Variants in FLVCR2 observed in about 807,000 individuals in gnomAD.
FLVCR2 encodes choline/ethanolamine transporter FLVCR2.
Under a neutral mutation model 48.9 loss-of-function variants are expected in FLVCR2, and 38 were observed. That is an observed-to-expected ratio of 0.78 (90% CI 0.60 to 1.02). FLVCR2 has a LOEUF of 1.02. Among genes scored for constraint, FLVCR2 ranks in the 50% least tolerant of loss-of-function variants. FLVCR2 has a pLI of 0.00. For missense variants in FLVCR2, 664 were observed against 663.3 expected (o/e 1.00, Z -0.01); for synonymous variants, 255 against 257.0 (o/e 0.99, Z 0.07).
chr14:75,622,382 G>A (rs1889788932), intron 2 of FLVCR2, among the ~76,000 whole-genome samples, 162 bp downstream of exon 2: 1 of 152,226 alleles, frequency 6.6e-6, no homozygotes, highest in African/African-American at 2.4e-5. Context: ...AGCCTGGGCA[G>A]TTGTCCCCAC....
Position 75,587,360 on chromosome 14 carries a change from T to C in FLVCR2, c.669+7719T>C, listed in dbSNP as rs192134588. On this transcript the variant is annotated intron_variant, in intron 1 of 9. Transcript: ENST00000238667. ...AAAAGGCAGATTCTGAGGATTTAAT[T>C]TTTCCCCCCGTCTCCAGGGTTATTG... is the stretch of plus-strand genomic sequence containing the variant. 4.9e-3 allele frequency among the ~76,000 whole-genome samples: 753 copies of C among 152,298 alleles called. 12 individuals are homozygous for C. The highest frequency in any genetic ancestry group is 4.8e-3 in the Non-Finnish European group (325 of 68,022).
In FLVCR2 at chr14:75,639,525, C is replaced by T. The variant is rs146651655; in HGVS notation, c.1235+63C>T. 989 of 1,157,622 alleles carry T rather than the reference C, an allele frequency of 8.5e-4. 2 individuals carry two copies. Among genetic ancestry groups the T allele is most frequent in the Non-Finnish European group, 1.1e-3 (827 of 768,718 alleles). The allele number at this position is 1,157,622 out of a possible 1,614,324, so 71.7% of individuals were successfully genotyped here. ...ATGCCATGGCTCCCAGAGCTTCCAG[C>T]ATCCTAGAATGCAATATTGATGCCT... On this transcript the variant is annotated intron_variant, in intron 6 of 9. Coordinates refer to ENST00000238667, the MANE Select transcript of FLVCR2 (RefSeq NM_017791.3).
chr14:75,597,000 C>T (rs114150182), intron 1 of FLVCR2, among the ~76,000 whole-genome samples: 2,507 of 152,108 alleles, frequency 0.016, 67 homozygotes, highest in African/African-American at 0.056. Context: ...CCAGTTTGAA[C>T]ATCAGGCATG....
intron 1 of FLVCR2, among the ~76,000 whole-genome samples, chr14:75,608,164 G>A (rs1001068676): frequency 6.6e-6 from 1 of 152,194 alleles, no homozygotes; most frequent in African/African-American, 2.4e-5. Flanking sequence ...TGGGGGCCAT[G>A]CCCTCCATGT....
Position 75,638,702 on chromosome 14 carries a change from G to A in FLVCR2, c.1125-650G>A, listed in dbSNP as rs187903897. Among the ~76,000 whole-genome samples the A allele has an allele frequency of 7.2e-4, 109 of 152,270 alleles. 1 individual carries two copies. The highest frequency in any genetic ancestry group is 3.1e-3 in the East Asian group (16 of 5,182). On this transcript the variant is annotated intron_variant, in intron 5 of 9. Coordinates refer to ENST00000238667, the MANE Select transcript of FLVCR2 (RefSeq NM_017791.3). ...AAGGAGAAAGGGCTTTGCCCTTCTT[G>A]TCTGTGGCTAGGACATGACAAGTCA...
intron 3 of FLVCR2, among the ~76,000 whole-genome samples, chr14:75,631,261 A>G (rs1890031265): frequency 6.6e-6 from 1 of 152,146 alleles, no homozygotes; most frequent in Admixed American, 6.5e-5. Context: ...GTTTAACCAC[A>G]TTGCTCTAGG....
At chr14:75,646,318 T>C (rs1484822570) in intron 9 of FLVCR2, 83 bp from the exon 10 acceptor site, 14 of 899,848 alleles carry the variant, frequency 1.6e-5, no homozygotes, top group Non-Finnish European at 2.4e-5. Flanking sequence ...CCCCACTGAT[T>C]AGTCATGGCC....
At chr14:75,610,408 C>A (rs1186193590) in intron 1 of FLVCR2, among the ~76,000 whole-genome samples, 1 of 151,970 alleles carries the variant, frequency 6.6e-6, no homozygotes, top group Non-Finnish European at 1.5e-5. Context: ...AGCATAAATA[C>A]CGGGCTTAGC....
At chr14:75,597,294 GAA>G (rs1889048022) in intron 1 of FLVCR2, among the ~76,000 whole-genome samples, 1 of 68,296 alleles carries the variant, frequency 1.5e-5, no homozygotes, top group African/African-American at 1.5e-4. Context: ...AAAAAAAAAA[GAA>G]GAAGAAGAAG....
rs1316567732 is a variant in FLVCR2, at chr14:75,622,942, A to G, written c.811+722A>G. Among the ~76,000 whole-genome samples, 5 of 151,878 alleles carry G rather than the reference A, an allele frequency of 3.3e-5. No individual in the cohort carries two copies. The South Asian group carries it at 1.0e-3, about 32-fold the overall frequency. The stretch of plus-strand genomic sequence containing the variant: ...TTGTACAAGTTAATCCCAACCACAA[A>G]CCTTAGATATCTACTGTTAATGTTT... On this transcript the variant is annotated intron_variant, in intron 2 of 9. Coordinates refer to ENST00000238667, the MANE Select transcript of FLVCR2 (RefSeq NM_017791.3).
chr14:75,590,788 A>C (rs1318332661), intron 1 of FLVCR2, among the ~76,000 whole-genome samples: 1 of 152,220 alleles, frequency 6.6e-6, no homozygotes, highest in East Asian at 1.9e-4. Flanking sequence ...GAACCCTAGC[A>C]GATGCCAGCA....
chr14:75,579,113 C>T lies in FLVCR2; in HGVS notation c.141C>T (p.Val47=). 1 of 1,614,060 alleles carries T rather than the reference C, an allele frequency of 6.2e-7. No individual in the cohort carries two copies. The highest frequency in any genetic ancestry group is 8.5e-7 in the Non-Finnish European group (1 of 1,179,938). ...TCTCCATCAACCCCAGCGTCTCTGT[C>T]CACCCCAGCAGTTCGGCCCACCCCA... The part of the protein sequence containing the change: ...PSVSINPSVS[V]HPSSSAHPSA... Residue 47 remains valine (V), a synonymous_variant, in exon 1 of 10, where the codon GTC becomes GTT. Coordinates refer to ENST00000238667, the MANE Select transcript of FLVCR2 (RefSeq NM_017791.3).
chr14:75,628,108 C>T (rs1889952550), intron 3 of FLVCR2, among the ~76,000 whole-genome samples: 1 of 151,712 alleles, frequency 6.6e-6, no homozygotes, highest in Non-Finnish European at 1.5e-5. Flanking sequence ...TTAAAACAAA[C>T]AAAAACAAAA....
chr14:75,626,621 G>T (rs1309464497), intron 3 of FLVCR2, among the ~76,000 whole-genome samples: 1 of 151,860 alleles, frequency 6.6e-6, no homozygotes, highest in African/African-American at 2.4e-5. Flanking sequence ...AATGCTTAGA[G>T]AAGTCCAACT....
At chr14:75,609,280 G>A (rs1247686046) in intron 1 of FLVCR2, among the ~76,000 whole-genome samples, 5 of 152,214 alleles carry the variant, frequency 3.3e-5, no homozygotes, top group Middle Eastern at 3.4e-3. Context: ...CAGTCACACC[G>A]GAGCGGCTAA....
At chr14:75,601,674 C>T (rs1330423910) in intron 1 of FLVCR2, among the ~76,000 whole-genome samples, 1 of 152,190 alleles carries the variant, frequency 6.6e-6, no homozygotes, top group Non-Finnish European at 1.5e-5. Flanking sequence ...AGCAATTCCA[C>T]TTCTAGGTAA....
intron 1 of FLVCR2, among the ~76,000 whole-genome samples, chr14:75,606,836 C>T (rs1889302716): frequency 6.6e-6 from 1 of 151,774 alleles, no homozygotes; most frequent in Admixed American, 6.6e-5. Context: ...ACTAGCTACC[C>T]AGGAGGCTGA....
At chr14:75,634,608 G>C (rs1291364429) in intron 4 of FLVCR2, among the ~76,000 whole-genome samples, 1 of 152,184 alleles carries the variant, frequency 6.6e-6, no homozygotes, top group Non-Finnish European at 1.5e-5. Context: ...AGATAAGATA[G>C]AAGAGTTGCT....
rs780523767 is a variant in FLVCR2 at position 75,641,062 on chromosome 14, T to C, written c.1341+2T>C. On this transcript the variant is annotated splice_donor_variant, in intron 7 of 9. Transcript: ENST00000238667. LOFTEE classifies it high-confidence loss of function. ...GGCCTCCTCAACATATCTGCACAGGTAGAGCTCGTATTTCCTGTTTGTTTC... is the reference window on the plus strand; with the variant it reads ...GGCCTCCTCAACATATCTGCACAGGCAGAGCTCGTATTTCCTGTTTGTTTC... 13 of 1,608,192 alleles carry C rather than the reference T, an allele frequency of 8.1e-6. No homozygotes were observed. The highest frequency in any genetic ancestry group is 1.1e-5 in the Non-Finnish European group (13 of 1,174,540).
Sources: gnomAD v4.1 joint callset for allele counts (sites outside exome capture counted in the v4.1 genomes callset) on GRCh38, gnomAD v4.1.1 for gene constraint, MANE v1.5 for transcripts, NCBI Gene and HGNC (gene_info 2026-07-23, HGNC 2026-07-21) for gene names.